SGSM2: variants seen among roughly 807,000 people sequenced by gnomAD.
The protein encoded by SGSM2 is RUN and TBC1 domain containing 1.
A neutral mutation model predicts 126.6 loss-of-function variants in SGSM2; 89 were observed. The ratio of observed to expected loss-of-function variants is 0.70; its 90% CI spans 0.59 to 0.84. The LOEUF (loss-of-function observed/expected upper bound fraction) is 0.84. Ranked by LOEUF, SGSM2 falls within the 40% of genes least tolerant of loss-of-function variation. The pLI is 0.00. For synonymous variants in SGSM2, 614 were observed against 574.3 expected (o/e 1.07, Z -0.99); for missense variants, 1,404 against 1,416.6 (o/e 0.99, Z 0.14).
chr17:2,342,623 G>A (rs2064423184), intron 1 of SGSM2, among the ~76,000 whole-genome samples: 1 of 152,164 alleles, frequency 6.6e-6, no homozygotes, highest in African/African-American at 2.4e-5. Flanking sequence ...CTGTGTAATT[G>A]TGATATGTTC....
intron 1 of SGSM2, among the ~76,000 whole-genome samples, chr17:2,342,244 C>T (rs1360200793): frequency 2.0e-5 from 3 of 148,298 alleles, no homozygotes; most frequent in African/African-American, 5.0e-5. Flanking sequence ...GGAGAAACCC[C>T]GTCTCTACTA....
chr17:2,380,613 G>T lies in SGSM2; in HGVS notation c.*1093G>T. 1 of 446,160 alleles carries T rather than the reference G, an allele frequency of 2.2e-6. No homozygotes were observed. Among genetic ancestry groups the T allele is most frequent in the Non-Finnish European group, 4.1e-6 (1 of 242,884 alleles). 27.6% of individuals were successfully genotyped at this position (446,160 alleles called of 1,614,324 possible). A position where few individuals can be genotyped will look rare whatever the true frequency, so the allele number is the denominator to read the frequency against. On this transcript the variant is annotated 3_prime_UTR_variant, in exon 24 of 24. Coordinates refer to ENST00000268989, the MANE Select transcript of SGSM2 (RefSeq NM_014853.3). ...TGTGTATGCGGGGGTGCCAGGAAGG[G>T]CATAGCTCCTGCCCCCAGGCCTAGG...
chr17:2,373,562 G>A (rs376124052), intron 17 of SGSM2, 49 bp downstream of exon 17: 35 of 1,527,710 alleles, frequency 2.3e-5, no homozygotes, highest in Admixed American at 1.1e-4. Context: ...GGCCACCCGC[G>A]TTTTATGCAC....
chr17:2,373,251 A>C (rs1039206162), intron 16 of SGSM2, 80 bp from the exon 17 acceptor site: 72 of 1,550,508 alleles, frequency 4.6e-5, no homozygotes, highest in Non-Finnish European at 5.8e-5. Flanking sequence ...TCAGGACCCA[A>C]GGTCCAGTGC....
At chr17:2,342,792 T>C (rs1006774194) in intron 1 of SGSM2, among the ~76,000 whole-genome samples, 1 of 152,078 alleles carries the variant, frequency 6.6e-6, no homozygotes, top group Admixed American at 6.6e-5. Flanking sequence ...GCCTGACCAA[T>C]ATGGTGAAAC....
chr17:2,344,479 G>A (rs1449978964), intron 2 of SGSM2, among the ~76,000 whole-genome samples: 1 of 152,156 alleles, frequency 6.6e-6, no homozygotes, highest in South Asian at 2.1e-4. Context: ...TGCTTTGGAC[G>A]GTAGTGTGGC....
At position 2,363,594 on chromosome 17, in the gene SGSM2, C is replaced by T. The variant is rs1272866924; in HGVS notation, c.802C>T (p.Gln268Ter). 1 of 1,612,768 alleles carries T rather than the reference C, an allele frequency of 6.2e-7. No individual in the cohort carries two copies. The highest frequency in any genetic ancestry group is 1.3e-5 in the African/African-American group (1 of 75,046). ...LLYGKNHVLV[Q>*]PKEDMEAVPG... The stretch of plus-strand genomic sequence containing the variant: ...CTATGGCAAGAACCACGTGCTGGTG[C>T]AGCCGGTAGGAAAGCTTCATCCTGC... Residue 268 changes from glutamine to a stop codon, truncating the protein, a stop_gained, in exon 7 of 24, where the codon CAG (glutamine) becomes TAG (stop). Coordinates refer to ENST00000268989, the MANE Select transcript of SGSM2 (RefSeq NM_014853.3). LOFTEE classifies it high-confidence loss of function. This position sits in a 1 kb window ranked among gnomAD's most constrained non-coding sequence, Gnocchi z 4.2.
At position 2,380,131 on chromosome 17, in the gene SGSM2, A is replaced by G. The variant is rs1440949184; in HGVS notation, c.*611A>G. 7.0e-7 allele frequency: 1 copy of G among 1,422,458 alleles called. No homozygotes were observed. Among genetic ancestry groups the G allele is most frequent in the Non-Finnish European group, 9.2e-7 (1 of 1,089,192 alleles). 88.1% of individuals were successfully genotyped at this position (1,422,458 alleles called of 1,614,324 possible). ...GAAGATGTGGGCCCTGGGTGGGAGC[A>G]GCCCACTTCAGCAGCACTGCCACTG... On this transcript the variant is annotated 3_prime_UTR_variant, in exon 24 of 24. Coordinates refer to ENST00000268989, the MANE Select transcript of SGSM2 (RefSeq NM_014853.3).
At chr17:2,345,038 G>A (rs750102257) in intron 2 of SGSM2, among the ~76,000 whole-genome samples, 5 of 152,088 alleles carry the variant, frequency 3.3e-5, no homozygotes, top group Non-Finnish European at 7.3e-5. Flanking sequence ...GGTTTCCCCA[G>A]TTCTTTGAGA....
rs2064143333 is a variant in SGSM2, at chr17:2,337,771, G to A, written c.57+26G>A. The A allele has an allele frequency of 2.0e-6, 3 of 1,504,562 alleles. No individual in the cohort carries two copies. Among genetic ancestry groups the A allele is most frequent in the African/African-American group, 2.9e-5 (2 of 69,310 alleles). 93.2% of individuals were successfully genotyped at this position (1,504,562 alleles called of 1,614,324 possible). On this transcript the variant is annotated intron_variant, in intron 1 of 23. Transcript: ENST00000268989. This position sits in a 1 kb window ranked among gnomAD's most constrained non-coding sequence, Gnocchi z 5.1. ...GTAAAGTCGAGTCAAGAACCCCGGG[G>A]GGCTCGCGCCCTGGCCCGCGCGGCC...
Position 2,338,774 on chromosome 17 carries a change from AATAT to A in SGSM2, c.57+1041_57+1044del, listed in dbSNP as rs148031213. Among the ~76,000 whole-genome samples the A allele has an allele frequency of 2.2e-5, 3 of 133,942 alleles. No individual in the cohort carries two copies. In the East Asian group the frequency reaches 1.1e-3, roughly 50 times the overall value. The allele number at this position is 133,942 out of a possible 152,430, so 87.9% of individuals were successfully genotyped here. ...CCTTGAGTCTCTATGCCGTCTCCCT[AATAT>A]ATATATATATAACCTCACGCCTGTA... On this transcript the variant is annotated intron_variant, in intron 1 of 23. Transcript: ENST00000268989.
intron 9 of SGSM2, 31 bp downstream of exon 9, chr17:2,364,694 G>A: frequency 6.2e-7 from 1 of 1,612,836 alleles, no homozygotes; most frequent in South Asian, 1.1e-5. Flanking sequence ...GCTCGGGTGG[G>A]AAGGGAGAGG....
chr17:2,352,971 G>A (rs2064932163), intron 2 of SGSM2, among the ~76,000 whole-genome samples: 1 of 150,960 alleles, frequency 6.6e-6, no homozygotes, highest in Non-Finnish European at 1.5e-5. Flanking sequence ...TAGAGACGGG[G>A]TTTCACCATG....
chr17:2,378,011 C>T, intron 22 of SGSM2, 58 bp downstream of exon 22: 1 of 1,118,342 alleles, frequency 8.9e-7, no homozygotes, highest in South Asian at 1.3e-5. Flanking sequence ...ATCCCTCTTC[C>T]CCCAAGCCAA....
chr17:2,343,697 T>A (rs901918238), intron 2 of SGSM2, 77 bp downstream of exon 2: 30 of 1,281,320 alleles, frequency 2.3e-5, no homozygotes, highest in Non-Finnish European at 3.1e-5. Context: ...AAAAGATGAG[T>A]CCTCAGGTGC....
At chr17:2,342,342 T>C (rs1236677152) in intron 1 of SGSM2, among the ~76,000 whole-genome samples, 1 of 151,862 alleles carries the variant, frequency 6.6e-6, no homozygotes, top group African/African-American at 2.4e-5. Context: ...GAGAATCTCT[T>C]GAACCCGGGA....
rs369587090 is a variant in SGSM2 at position 2,373,424 on chromosome 17, C to T, written c.2011C>T (p.Pro671Ser). The part of the protein sequence containing the change: ...VVRQREREAH[P>S]ATRTKFSSGS... ...GAGGCAGCGGGAGCGGGAGGCCCACCCAGCCACACGCACCAAGTTCTCCTC... is the reference window on the plus strand; with the variant it reads ...GAGGCAGCGGGAGCGGGAGGCCCACTCAGCCACACGCACCAAGTTCTCCTC... The change falls in exon 17 of 24, where the codon CCA becomes TCA. Residue 671 changes from proline to serine, a missense_variant. By Grantham distance (74) the Pro-to-Ser change is moderately conservative. Transcript: ENST00000268989. 6.2e-7 allele frequency: 1 copy of T among 1,611,638 alleles called. No individual in the cohort carries two copies. The highest frequency in any genetic ancestry group is 8.5e-7 in the Non-Finnish European group (1 of 1,179,934).
In SGSM2 at chr17:2,360,196, G is replaced by A. The variant is rs192394693; in HGVS notation, c.134-1441G>A. On this transcript the variant is annotated intron_variant, in intron 2 of 23. Coordinates refer to ENST00000268989, the MANE Select transcript of SGSM2 (RefSeq NM_014853.3). ...CGTCTCTACTAAAATACAAAAATTAGCTGGGCATGGTGGTGTGTGCCTGTA... is the reference window on the plus strand; with the variant it reads ...CGTCTCTACTAAAATACAAAAATTAACTGGGCATGGTGGTGTGTGCCTGTA... Among the ~76,000 whole-genome samples, 247 of 152,280 alleles carry A rather than the reference G, an allele frequency of 1.6e-3. 1 individual carries two copies. Among genetic ancestry groups the A allele is most frequent in the Non-Finnish European group, 2.8e-3 (191 of 68,024 alleles).
rs2064154506 is a variant in SGSM2 at position 2,337,922 on chromosome 17, C to CCTCT, written c.57+178_57+181dup. ...TTCTCGGATGGGGGAGGGCAGCGCC[C>CCTCT]CTCTGCCCGGGGGACCCGGCCGGCG... is the stretch of plus-strand genomic sequence containing the variant. On this transcript the variant is annotated intron_variant, in intron 1 of 23. Transcript: ENST00000268989. The surrounding 1 kb of genome is among the most constrained non-coding windows in gnomAD (Gnocchi z 5.1). Among the ~76,000 whole-genome samples the CCTCT allele has an allele frequency of 6.6e-6, 1 of 151,976 alleles. No homozygotes were observed. Among genetic ancestry groups the CCTCT allele is most frequent in the Admixed American group, 6.5e-5 (1 of 15,268 alleles).
Sources: allele counts gnomAD v4.1 joint callset (sites outside exome capture counted in the v4.1 genomes callset), GRCh38; gene constraint gnomAD v4.1.1; non-coding constraint Gnocchi (gnomAD v3.1); transcripts MANE v1.5; gene names NCBI Gene and HGNC (gene_info 2026-07-23, HGNC 2026-07-21).